The following ERBB4 variants were observed in gnomAD, a reference collection of about 807,000 sequenced individuals.
ERBB4 encodes the protein erb-b2 receptor tyrosine kinase 4.
A neutral mutation model predicts 158.0 loss-of-function variants in ERBB4; 42 were observed. That is an observed-to-expected ratio of 0.27 (90% CI 0.21 to 0.34). The LOEUF is 0.34. Among genes scored for constraint, ERBB4 ranks in the 10% least tolerant of loss-of-function variants. The pLI, the probability that ERBB4 is intolerant of heterozygous loss-of-function variation, is 1.00. For missense variants in ERBB4, 1,333 were observed against 1,624.1 expected (o/e 0.82, Z 3.08); for synonymous variants, 583 against 558.7 (o/e 1.04, Z -0.61).
At chr2:212,332,784 T>A (rs2088241461) in intron 1 of ERBB4, among the ~76,000 whole-genome samples, 1 of 152,042 alleles carries the variant, frequency 6.6e-6, no homozygotes, top group South Asian at 2.1e-4. Context: ...AGAATTGGGT[T>A]AATAAAAAGA....
At chr2:211,643,242 G>A (rs2070665260) in intron 16 of ERBB4, among the ~76,000 whole-genome samples, 1 of 152,098 alleles carries the variant, frequency 6.6e-6, no homozygotes, top group Admixed American at 6.6e-5. Flanking sequence ...GGGAATTCTG[G>A]AAAAGAACAG....
intron 1 of ERBB4, among the ~76,000 whole-genome samples, chr2:212,231,402 G>C (rs867056894): frequency 6.6e-6 from 1 of 152,124 alleles, no homozygotes; most frequent in Non-Finnish European, 1.5e-5. Flanking sequence ...ACTTTAAAAA[G>C]AAGAAAATAT....
chr2:211,790,807 C>A (rs975785407), intron 3 of ERBB4, among the ~76,000 whole-genome samples: 11 of 151,562 alleles, frequency 7.3e-5, no homozygotes, highest in Non-Finnish European at 1.5e-4. Context: ...ATTCTTTTTT[C>A]CTTTATGTTT....
chr2:211,489,166 T>A (rs1017514324), intron 20 of ERBB4, among the ~76,000 whole-genome samples: 2 of 152,086 alleles, frequency 1.3e-5, no homozygotes, highest in African/African-American at 4.8e-5. Flanking sequence ...TTGAAAATGA[T>A]TTCTGAATAG....
chr2:211,412,975 A>G (rs1185180273), intron 25 of ERBB4, among the ~76,000 whole-genome samples: 1 of 150,762 alleles, frequency 6.6e-6, no homozygotes, highest in African/African-American at 2.4e-5. Flanking sequence ...AGAAAGAAAG[A>G]AAGAAAAGAA....
intron 13 of ERBB4, among the ~76,000 whole-genome samples, chr2:211,676,698 C>T (rs2072088222): frequency 6.6e-6 from 1 of 152,148 alleles, no homozygotes; most frequent in Admixed American, 6.5e-5. Flanking sequence ...TAAGATGCTG[C>T]TATTACACAA....
intron 7 of ERBB4, among the ~76,000 whole-genome samples, chr2:211,714,994 T>A (rs2073845525): frequency 6.6e-6 from 1 of 152,068 alleles, no homozygotes; most frequent in Admixed American, 6.5e-5. Context: ...ATAGACTAGG[T>A]ATGTGGTACT....
In ERBB4 at chr2:211,673,152, C is replaced by T. The variant is rs773767779; in HGVS notation, c.1716+12G>A. On this transcript the variant is annotated intron_variant, in intron 14 of 27. Coordinates refer to ENST00000342788, the MANE Select transcript of ERBB4 (RefSeq NM_005235.3). ...AAATAAGCCAACACACCACAGATGTCTTCAGGCTTACCGGTCCATGGCATG... is the reference window on the plus strand; with the variant it reads ...AAATAAGCCAACACACCACAGATGTTTTCAGGCTTACCGGTCCATGGCATG... 1.3e-6 allele frequency: 2 copies of T among 1,589,608 alleles called. No homozygotes were observed. Among genetic ancestry groups the T allele is most frequent in the Admixed American group, 1.7e-5 (1 of 59,966 alleles).
chr2:212,301,945 A>C (rs2086639851), intron 1 of ERBB4, among the ~76,000 whole-genome samples: 1 of 151,500 alleles, frequency 6.6e-6, no homozygotes, highest in Non-Finnish European at 1.5e-5. Context: ...AACGCTATTG[A>C]GAAGGGTAAC....
intron 20 of ERBB4, among the ~76,000 whole-genome samples, chr2:211,479,282 C>T (rs1042744616): frequency 2.0e-5 from 3 of 152,104 alleles, no homozygotes; most frequent in Non-Finnish European, 2.9e-5. Flanking sequence ...TATTTCTGCT[C>T]CTGCAATATG....
intron 1 of ERBB4, among the ~76,000 whole-genome samples, chr2:212,358,151 G>T (rs888765518): frequency 6.6e-6 from 1 of 151,728 alleles, no homozygotes; most frequent in African/African-American, 2.4e-5. Context: ...TCTCATACAT[G>T]AATACATTTT....
At chr2:212,269,864 C>A (rs2085280855) in intron 1 of ERBB4, among the ~76,000 whole-genome samples, 1 of 151,782 alleles carries the variant, frequency 6.6e-6, no homozygotes, top group Non-Finnish European at 1.5e-5. Flanking sequence ...CTCCTTTATT[C>A]TCTGTCCATA....
intron 27 of ERBB4, among the ~76,000 whole-genome samples, chr2:211,384,975 C>T (rs761853870): frequency 2.6e-5 from 4 of 151,920 alleles, no homozygotes; most frequent in Non-Finnish European, 5.9e-5. Context: ...TAGACATAAA[C>T]ACGCATGTAT....
intron 4 of ERBB4, among the ~76,000 whole-genome samples, chr2:211,765,781 T>C (rs1457547751): frequency 6.6e-6 from 1 of 152,234 alleles, no homozygotes; most frequent in Non-Finnish European, 1.5e-5. Context: ...TTTAAAAAAC[T>C]TTTAAATTTA....
chr2:212,320,857 A>T (rs2087537818), intron 1 of ERBB4, among the ~76,000 whole-genome samples: 1 of 150,358 alleles, frequency 6.7e-6, no homozygotes, highest in African/African-American at 2.4e-5. Context: ...TGAAAATTGT[A>T]AAGCATGACA....
intron 1 of ERBB4, among the ~76,000 whole-genome samples, chr2:212,150,527 G>A (rs1285867793): frequency 6.6e-6 from 1 of 152,072 alleles, no homozygotes; most frequent in Non-Finnish European, 1.5e-5. Context: ...CTAATAACAT[G>A]AATGTTTTCT....
chr2:212,525,869 A>G (rs1223292563), intron 1 of ERBB4, among the ~76,000 whole-genome samples: 1 of 152,046 alleles, frequency 6.6e-6, no homozygotes, highest in Non-Finnish European at 1.5e-5. Context: ...TCACAAAATT[A>G]TCATAAAATA....
intron 1 of ERBB4, among the ~76,000 whole-genome samples, chr2:212,178,087 A>C (rs1325543189): frequency 6.6e-6 from 1 of 151,626 alleles, no homozygotes; most frequent in African/African-American, 2.4e-5. Context: ...AAGGGTAAAA[A>C]GTGGTGATAG....
intron 1 of ERBB4, among the ~76,000 whole-genome samples, chr2:212,154,758 T>C (rs1020732307): frequency 1.3e-5 from 2 of 152,158 alleles, no homozygotes; most frequent in Non-Finnish European, 2.9e-5. Context: ...TTCAATGACA[T>C]CAGGGAAACC....
Sources: gnomAD v4.1 joint callset for allele counts (sites outside exome capture counted in the v4.1 genomes callset) on GRCh38, gnomAD v4.1.1 for gene constraint, MANE v1.5 for transcripts, NCBI Gene and HGNC (gene_info 2026-07-23, HGNC 2026-07-21) for gene names.